The following PDE2A variants were observed in gnomAD, a reference collection of about 807,000 sequenced individuals.
PDE2A encodes the protein phosphodiesterase 2A.
PDE2A carries 53 observed loss-of-function variants against 133.6 expected under a neutral mutation model. The ratio of observed to expected loss-of-function variants is 0.40; its 90% CI spans 0.32 to 0.50. The LOEUF (loss-of-function observed/expected upper bound fraction) is 0.50. PDE2A is among the 20% of genes least tolerant of loss of function. The probability of loss-of-function intolerance (pLI) is 0.73; values close to 1 mark genes in which losing one functional copy is unlikely to be tolerated. For missense variants in PDE2A, 796 were observed against 1,232.4 expected, an observed-to-expected ratio of 0.65 and a Z score of 5.30; for synonymous variants, 491 against 490.2, an observed-to-expected ratio of 1.00 and a Z score of -0.02.
chr11:72,623,730 T>A (rs77303256), intron 2 of PDE2A, among the ~76,000 whole-genome samples: 6,482 of 152,202 alleles, frequency 0.043, 442 homozygotes, highest in African/African-American at 0.15. Context: ...TGGAAATTGT[T>A]CTCTGGTTTT....
In PDE2A at chr11:72,577,119, G is replaced by C. The variant is rs1011603098; in HGVS notation, c.*265C>G. 2.1e-5 allele frequency: 9 copies of C among 437,226 alleles called. No homozygotes were observed. In the East Asian group the frequency reaches 2.8e-4, roughly 14 times the overall value. The allele number at this position is 437,226 out of a possible 1,614,324, so 27.1% of individuals were successfully genotyped here. A position where few individuals can be genotyped will look rare whatever the true frequency, so the allele number is the denominator to read the frequency against. The stretch of plus-strand genomic sequence containing the variant: ...CTTGGGAAAGACTTGCCAAGGTGTG[G>C]TCAGAGGTGCAGAGTAGGGCCCACT... On this transcript the variant is annotated 3_prime_UTR_variant, in exon 31 of 31. Coordinates refer to ENST00000334456, the MANE Select transcript of PDE2A (RefSeq NM_002599.5).
intron 2 of PDE2A, among the ~76,000 whole-genome samples, chr11:72,637,313 G>C (rs1360408430): frequency 6.6e-6 from 1 of 152,234 alleles, no homozygotes; most frequent in Non-Finnish European, 1.5e-5. Flanking sequence ...CTAGTACCTA[G>C]GTCTGTGCCA....
intron 1 of PDE2A, among the ~76,000 whole-genome samples, chr11:72,649,570 G>T (rs1854667817): frequency 6.6e-6 from 1 of 152,204 alleles, no homozygotes; most frequent in Non-Finnish European, 1.5e-5. Flanking sequence ...GGCTGGTGGG[G>T]CCCCCAGAGC....
At chr11:72,613,521 G>A (rs536952933) in intron 2 of PDE2A, among the ~76,000 whole-genome samples, 2 of 151,664 alleles carry the variant, frequency 1.3e-5, no homozygotes, top group Non-Finnish European at 2.9e-5. Flanking sequence ...CCCGGCCGAC[G>A]TCCACCTCTG....
chr11:72,628,361 C>T (rs1271790225), intron 2 of PDE2A, among the ~76,000 whole-genome samples: 1 of 148,986 alleles, frequency 6.7e-6, no homozygotes, highest in Non-Finnish European at 1.5e-5. Context: ...GATGGAGTCT[C>T]ACTCTGTCAC....
At chr11:72,673,536 A>G (rs1332674988) in intron 1 of PDE2A, among the ~76,000 whole-genome samples, 1 of 151,870 alleles carries the variant, frequency 6.6e-6, no homozygotes, top group African/African-American at 2.4e-5. Context: ...ACCATATTCC[A>G]TCTGGCTCCG....
At chr11:72,667,932 A>C (rs1242677656) in intron 1 of PDE2A, among the ~76,000 whole-genome samples, 3 of 151,994 alleles carry the variant, frequency 2.0e-5, no homozygotes, top group Non-Finnish European at 4.4e-5. Context: ...AACTGAGAAG[A>C]AGCATGGAGG....
intron 2 of PDE2A, among the ~76,000 whole-genome samples, chr11:72,641,966 A>C (rs190145898): frequency 1.3e-5 from 2 of 152,310 alleles, no homozygotes; most frequent in Middle Eastern, 3.4e-3. Flanking sequence ...AGGGAATTCG[A>C]GGCTTGGGCA....
intron 2 of PDE2A, among the ~76,000 whole-genome samples, chr11:72,626,383 C>T (rs534891549): frequency 6.6e-6 from 1 of 152,204 alleles, no homozygotes; most frequent in Non-Finnish European, 1.5e-5. Context: ...GGCCTCAGGA[C>T]CCCCATGGAT....
intron 18 of PDE2A, 22 bp downstream of exon 18, chr11:72,584,529 C>A: frequency 6.4e-7 from 1 of 1,572,736 alleles, no homozygotes. Context: ...CCCCGCCCCT[C>A]CGCCCGGGCC....
chr11:72,617,474 C>T lies in PDE2A; in HGVS notation c.145-8723G>A, dbSNP rs113283300. On this transcript the variant is annotated intron_variant, in intron 2 of 30. Transcript: ENST00000334456. ...GCCTCTCAGCCTCCCTGGGCGCTCT[C>T]TCTGTGCCTGGCCACCTCTCTCTGT... is the stretch of plus-strand genomic sequence containing the variant. Among the ~76,000 whole-genome samples the T allele has an allele frequency of 1.3e-3, 196 of 152,342 alleles. 2 individuals are homozygous for T. Among genetic ancestry groups the T allele is most frequent in the African/African-American group, 3.4e-3 (143 of 41,574 alleles).
intron 2 of PDE2A, chr11:72,615,081 C>A (rs779613892): frequency 1.9e-6 from 1 of 516,022 alleles, no homozygotes; most frequent in Non-Finnish European, 4.0e-6. Context: ...AACAGGGCCG[C>A]GTCTCCAGCC....
intron 14 of PDE2A, among the ~76,000 whole-genome samples, chr11:72,585,857 A>T (rs10751208): frequency 0.98 from 148,591 of 152,260 alleles, 72,558 homozygotes; most frequent in Middle Eastern, 1. Context: ...GTAGTGCCCA[A>T]ATTGAACACT....
At position 72,589,180 on chromosome 11, in the gene PDE2A, T is replaced by C. The variant is rs756645669; in HGVS notation, c.934A>G (p.Thr312Ala). The C allele has an allele frequency of 1.9e-6, 3 of 1,612,912 alleles. No individual in the cohort carries two copies. The highest frequency in any genetic ancestry group is 2.5e-6 in the Non-Finnish European group (3 of 1,179,286). The change falls in exon 12 of 31, where the codon ACC becomes GCC. Residue 312 changes from threonine to alanine, a missense_variant. By Grantham distance (58) the Thr-to-Ala change is moderately conservative (BLOSUM62 0). Coordinates refer to ENST00000334456, the MANE Select transcript of PDE2A (RefSeq NM_002599.5). Reference sequence around the variant, plus strand: ...TCAGCCAGGCCATGACTTACGGAGGTGAGGTCCTTCAGCTGGATGGACTTC... The same window carrying C: ...TCAGCCAGGCCATGACTTACGGAGGCGAGGTCCTTCAGCTGGATGGACTTC... ...DKKSIQLKDL[T>A]SEDVQQLQSM...
At chr11:72,579,961 G>A in intron 25 of PDE2A, 2 of 255,784 alleles carry the variant, frequency 7.8e-6, no homozygotes, top group Admixed American at 4.9e-5. Flanking sequence ...AGGAGAGGCA[G>A]TGATGAGGCA....
chr11:72,584,328 G>A lies in PDE2A; in HGVS notation c.1538-15C>T. 6.5e-7 allele frequency: 1 copy of A among 1,539,052 alleles called. No individual in the cohort carries two copies. The highest frequency in any genetic ancestry group is 9.0e-7 in the Non-Finnish European group (1 of 1,111,900). The stretch of plus-strand genomic sequence containing the variant: ...ACCGATGACCTCTGGGGAAGGGAGA[G>A]GGGCAAGGAACCACCGGTGGAGGGA... On this transcript the variant is annotated splice_polypyrimidine_tract_variant and intron_variant, in intron 18 of 30. Transcript: ENST00000334456.
intron 1 of PDE2A, among the ~76,000 whole-genome samples, chr11:72,657,276 G>A (rs1428892206): frequency 6.6e-6 from 1 of 152,196 alleles, no homozygotes; most frequent in Non-Finnish European, 1.5e-5. Context: ...CAGAGGAGGG[G>A]AAAAGGGTTG....
intron 1 of PDE2A, among the ~76,000 whole-genome samples, chr11:72,654,521 T>G (rs79826998): frequency 0.027 from 4,060 of 151,836 alleles, 191 homozygotes; most frequent in African/African-American, 0.093. Context: ...AGAGGGAGAG[T>G]GTGGGGTGGC....
In PDE2A at chr11:72,585,428, A is replaced by G; in HGVS notation, c.1229T>C (p.Val410Ala). ...AKNLFTHLDD[V>A]SVLLQEIITE... ...GATGATCTCCTGGAGCAGGACAGAG[A>G]CGTCATCTGGGGAAGGGAGAAGACC... The change falls in exon 16 of 31, where the codon GTC (valine) becomes GCC (alanine). Residue 410 changes from valine (V) to alanine (A), a missense_variant. Coordinates refer to ENST00000334456, the MANE Select transcript of PDE2A (RefSeq NM_002599.5). The G allele has an allele frequency of 6.2e-7, 1 of 1,614,102 alleles. No individual in the cohort carries two copies. The highest frequency in any genetic ancestry group is 1.1e-5 in the South Asian group (1 of 91,072).
Sources: allele counts gnomAD v4.1 joint callset (sites outside exome capture counted in the v4.1 genomes callset), GRCh38; gene constraint gnomAD v4.1.1; transcripts MANE v1.5; gene names NCBI Gene and HGNC (gene_info 2026-07-23, HGNC 2026-07-21).